The following MALRD1 variants were observed in gnomAD, a reference collection of about 807,000 sequenced individuals.
MALRD1 encodes MAM and LDL-receptor class A domain-containing protein 1.
Under a neutral mutation model 242.1 loss-of-function variants are expected in MALRD1, and 247 were observed. The ratio of observed to expected loss-of-function variants is 1.02; its 90% CI spans 0.92 to 1.13. The LOEUF (loss-of-function observed/expected upper bound fraction) is 1.13, where lower values mean the gene tolerates loss of function less well. MALRD1 is among the 50% of genes most tolerant of loss of function. The pLI, the probability that MALRD1 is intolerant of heterozygous loss-of-function variation, is 0.00. For missense variants in MALRD1, 2,989 were observed against 2,533.1 expected (o/e 1.18, Z -3.86); for synonymous variants, 995 against 866.6 (o/e 1.15, Z -2.60).
chr10:19,584,925 T>A lies in MALRD1; in HGVS notation c.5681-10269T>A, dbSNP rs1297107864. Among the ~76,000 whole-genome samples, 3 of 152,008 alleles carry A rather than the reference T, an allele frequency of 2.0e-5. No homozygotes were observed. In the East Asian group the frequency reaches 5.8e-4, roughly 29 times the overall value. On this transcript the variant is annotated intron_variant, in intron 33 of 39. Transcript: ENST00000454679. The stretch of plus-strand genomic sequence containing the variant: ...TGGGTGCTCCTGTATTGGGTGCATA[T>A]ATATTTAGGATAGTTAGCTCTTCTT...
intron 10 of MALRD1, among the ~76,000 whole-genome samples, chr10:19,143,755 A>G (rs1439185706): frequency 6.6e-6 from 1 of 152,178 alleles, no homozygotes; most frequent in East Asian, 1.9e-4. Context: ...TCAGAGGCCA[A>G]ATATGTACTT....
chr10:19,232,976 A>G (rs1460700473), intron 18 of MALRD1, among the ~76,000 whole-genome samples: 1 of 152,198 alleles, frequency 6.6e-6, no homozygotes, highest in Non-Finnish European at 1.5e-5. Flanking sequence ...GCTAGATCCC[A>G]GGACTGAGGA....
At chr10:19,422,363 A>T (rs1400914276) in intron 28 of MALRD1, among the ~76,000 whole-genome samples, 1 of 152,234 alleles carries the variant, frequency 6.6e-6, no homozygotes, top group Admixed American at 6.5e-5. Flanking sequence ...TATCTTTTAG[A>T]TGTTAAAAAT....
intron 36 of MALRD1, among the ~76,000 whole-genome samples, chr10:19,652,747 A>G (rs890861857): frequency 1.3e-5 from 2 of 152,208 alleles, no homozygotes; most frequent in Admixed American, 1.3e-4. Context: ...TTATATAAAC[A>G]TTAGGGTTAG....
At chr10:19,065,924 A>G (rs1834966251) in intron 1 of MALRD1, among the ~76,000 whole-genome samples, 1 of 152,088 alleles carries the variant, frequency 6.6e-6, no homozygotes, top group Non-Finnish European at 1.5e-5. Context: ...CCAAACCTGA[A>G]ATTCTGATAT....
chr10:19,522,995 A>G (rs942087058), intron 31 of MALRD1, among the ~76,000 whole-genome samples: 4 of 152,200 alleles, frequency 2.6e-5, no homozygotes, highest in African/African-American at 4.8e-5. Context: ...TTCCACTGGT[A>G]GAATCATCTT....
chr10:19,447,605 G>C (rs759992435), intron 28 of MALRD1, among the ~76,000 whole-genome samples: 2 of 152,140 alleles, frequency 1.3e-5, no homozygotes, highest in Non-Finnish European at 2.9e-5. Context: ...TTGGGGATTT[G>C]CCATACCTAA....
At chr10:19,627,414 A>C (rs7901435) in intron 36 of MALRD1, among the ~76,000 whole-genome samples, 3,368 of 151,792 alleles carry the variant, frequency 0.022, 97 homozygotes, top group African/African-American at 0.076. Context: ...ATTAAGAAAA[A>C]AACAACAAAC....
At chr10:19,126,448 T>C (rs1042553661) in intron 7 of MALRD1, among the ~76,000 whole-genome samples, 1 of 152,106 alleles carries the variant, frequency 6.6e-6, no homozygotes, top group Non-Finnish European at 1.5e-5. Flanking sequence ...GGTACATGAA[T>C]TTTCTCTTTG....
chr10:19,445,736 C>T (rs1419761016), intron 28 of MALRD1, among the ~76,000 whole-genome samples: 1 of 152,226 alleles, frequency 6.6e-6, no homozygotes, highest in Non-Finnish European at 1.5e-5. Context: ...ACTTAGGCTA[C>T]TTGGGCTCAG....
chr10:19,381,898 G>A lies in MALRD1; in HGVS notation c.4442-5630G>A, dbSNP rs569597154. Among the ~76,000 whole-genome samples, 105 of 152,028 alleles carry A rather than the reference G, an allele frequency of 6.9e-4. 1 individual carries two copies. The highest frequency in any genetic ancestry group is 1.2e-3 in the Non-Finnish European group (83 of 67,934). On this transcript the variant is annotated intron_variant, in intron 26 of 39. Transcript: ENST00000454679. ...TATTATAGAACAAAAAGCAACATGAGAGTTCAGGGAATAAATGGTATTTCC... is the reference window on the plus strand; with the variant it reads ...TATTATAGAACAAAAAGCAACATGAAAGTTCAGGGAATAAATGGTATTTCC...
chr10:19,632,512 A>T (rs572870803), intron 36 of MALRD1, among the ~76,000 whole-genome samples: 2 of 152,306 alleles, frequency 1.3e-5, no homozygotes, highest in South Asian at 4.1e-4. Flanking sequence ...AGTTATAAAG[A>T]TCATTCAGTT....
rs145075135 is a variant in MALRD1 at position 19,570,340 on chromosome 10, C to T, written c.5680+2637C>T. Among the ~76,000 whole-genome samples, 26 of 151,962 alleles carry T rather than the reference C, an allele frequency of 1.7e-4. No individual in the cohort carries two copies. In the East Asian group the frequency reaches 3.5e-3, roughly 20 times the overall value. ...CAATGTCTTAGGGATTATGCAATAC[C>T]GTGAAATAAATCTGATGTAATTCAT... On this transcript the variant is annotated intron_variant, in intron 33 of 39. Coordinates refer to ENST00000454679, the MANE Select transcript of MALRD1 (RefSeq NM_001142308.3).
intron 14 of MALRD1, 129 bp downstream of exon 14, chr10:19,175,457 A>G (rs1588654507): frequency 3.2e-6 from 1 of 308,870 alleles, no homozygotes; most frequent in East Asian, 1.1e-4. Flanking sequence ...TGTTCTTGAA[A>G]CCTAAAATAT....
At chr10:19,338,580 A>G (rs572888670) in intron 24 of MALRD1, among the ~76,000 whole-genome samples, 3 of 150,044 alleles carry the variant, frequency 2.0e-5, no homozygotes, top group Admixed American at 6.6e-5. Context: ...TGTGGGGATT[A>G]CAATTTGAGA....
intron 4 of MALRD1, among the ~76,000 whole-genome samples, chr10:19,096,749 G>T (rs1016582923): frequency 1.3e-5 from 2 of 152,180 alleles, no homozygotes; most frequent in Admixed American, 1.3e-4. Context: ...TTCATTGTCT[G>T]CCATTTCCTT....
At chr10:19,252,074 C>T (rs991800272) in intron 18 of MALRD1, among the ~76,000 whole-genome samples, 1 of 152,012 alleles carries the variant, frequency 6.6e-6, no homozygotes, top group African/African-American at 2.4e-5. Context: ...ATAGATTACC[C>T]AGTCTCACAT....
In MALRD1 at chr10:19,204,413, GGTAAATATTAAACAAATA is replaced by G; in HGVS notation, c.2210+1_2210+18del. 1 of 1,536,112 alleles carries G rather than the reference GGTAAATATTAAACAAATA, an allele frequency of 6.5e-7. No individual in the cohort carries two copies. The highest frequency in any genetic ancestry group is 8.8e-7 in the Non-Finnish European group (1 of 1,139,204). On this transcript the variant is annotated splice_donor_variant and splice_donor_5th_base_variant and intron_variant, in intron 16 of 39. Transcript: ENST00000454679. LOFTEE classifies it high-confidence loss of function. Reference sequence around the variant, plus strand: ...GGACCTGGATGCATACTTTCCTTCTGGTAAATATTAAACAAATATTTAAACAATATTAAACAGTTCACC... The same window carrying G: ...GGACCTGGATGCATACTTTCCTTCTGTTTAAACAATATTAAACAGTTCACC...
intron 38 of MALRD1, among the ~76,000 whole-genome samples, chr10:19,718,239 C>A (rs1318432428): frequency 6.7e-6 from 1 of 149,764 alleles, no homozygotes; most frequent in East Asian, 2.0e-4. Context: ...GCAGCAGCAG[C>A]AGCAGCAATA....
Sources: allele counts gnomAD v4.1 joint callset (sites outside exome capture counted in the v4.1 genomes callset), GRCh38; gene constraint gnomAD v4.1.1; transcripts MANE v1.5; gene names NCBI Gene and HGNC (gene_info 2026-07-23, HGNC 2026-07-21).